The following YAP1 variants were observed in gnomAD, a reference collection of about 807,000 sequenced individuals.
YAP1 encodes transcriptional coactivator YAP1.
YAP1 carries 5 observed loss-of-function variants against 56.9 expected under a neutral mutation model. The observed-to-expected ratio is 0.09, with a 90% CI of 0.05 to 0.18. The LOEUF is 0.18. YAP1 is among the 10% of genes least tolerant of loss of function. The probability of loss-of-function intolerance (pLI) is 1.00; values close to 1 mark genes in which losing one functional copy is unlikely to be tolerated. For missense variants in YAP1, 539 were observed against 651.8 expected (o/e 0.83, Z 1.88); for synonymous variants, 265 against 248.1 (o/e 1.07, Z -0.64).
rs564561654 is a variant in YAP1 at position 102,110,990 on chromosome 11, C to A, written c.142C>A (p.Pro48Thr). The A allele has an allele frequency of 1.3e-6, 2 of 1,553,730 alleles. No homozygotes were observed. The highest frequency in any genetic ancestry group is 1.4e-5 in the African/African-American group (1 of 70,528). Reference sequence around the variant, plus strand: ...GGCGACCCAGGCGGCGCCGCAGGCACCCCCCGCCGGGCATCAGATCGTGCA... The same window carrying A: ...GGCGACCCAGGCGGCGCCGCAGGCAACCCCCGCCGGGCATCAGATCGTGCA... ...PAATQAAPQAPPAGHQIVHVR... is the reference protein window; with the variant it reads ...PAATQAAPQATPAGHQIVHVR... Residue 48 changes from proline to threonine, a missense_variant, in exon 1 of 9, where the codon CCC becomes ACC. Pro to Thr is a conservative substitution (Grantham distance 38, BLOSUM62 -1). Around this residue, in one of 4 missense-constraint regions of YAP1, gnomAD observed 106 missense variants for 86.6 expected, o/e 1.22. Transcript: ENST00000282441.
intron 4 of YAP1, among the ~76,000 whole-genome samples, chr11:102,188,797 G>A (rs1352375694): frequency 6.6e-6 from 1 of 152,124 alleles, no homozygotes; most frequent in African/African-American, 2.4e-5. Context: ...GCATATCCTG[G>A]TTATTAAGTG....
intron 2 of YAP1, among the ~76,000 whole-genome samples, chr11:102,131,465 T>C (rs1181755791): frequency 1.3e-5 from 2 of 152,244 alleles, no homozygotes; most frequent in Non-Finnish European, 2.9e-5. Flanking sequence ...CATTGGTAAC[T>C]GTCCCTCACG....
At chr11:102,198,582 C>T (rs1049331283) in intron 4 of YAP1, among the ~76,000 whole-genome samples, 1 of 152,036 alleles carries the variant, frequency 6.6e-6, no homozygotes, top group Non-Finnish European at 1.5e-5. Context: ...TTTTATAATT[C>T]CAACACTCCT....
At chr11:102,132,363 G>A (rs537823910) in intron 2 of YAP1, among the ~76,000 whole-genome samples, 5 of 152,268 alleles carry the variant, frequency 3.3e-5, no homozygotes, top group South Asian at 2.1e-4. Flanking sequence ...GAGAGTCCTC[G>A]CTTGATGCTG....
intron 2 of YAP1, among the ~76,000 whole-genome samples, chr11:102,144,118 A>G (rs907134301): frequency 6.6e-6 from 1 of 152,226 alleles, no homozygotes; most frequent in Non-Finnish European, 1.5e-5. Flanking sequence ...TCAAGAGTCC[A>G]TAAGCATAGC....
At chr11:102,208,627 T>C (rs887277580) in intron 5 of YAP1, among the ~76,000 whole-genome samples, 1 of 151,924 alleles carries the variant, frequency 6.6e-6, no homozygotes, top group Non-Finnish European at 1.5e-5. Flanking sequence ...ACATGGCTAA[T>C]AGAAAAAAAA....
chr11:102,168,167 C>G (rs1946712207), intron 3 of YAP1, among the ~76,000 whole-genome samples: 2 of 152,132 alleles, frequency 1.3e-5, no homozygotes, highest in Non-Finnish European at 1.5e-5. Context: ...TTGTGTTCAG[C>G]ATTAGAAAAG....
intron 3 of YAP1, among the ~76,000 whole-genome samples, chr11:102,174,969 C>T (rs780160051): frequency 6.6e-6 from 1 of 152,134 alleles, no homozygotes; most frequent in African/African-American, 2.4e-5. Context: ...CCACACTGCC[C>T]ATTGTAATCC....
At chr11:102,185,750 T>G (rs1046199050) in intron 3 of YAP1, among the ~76,000 whole-genome samples, 2 of 152,122 alleles carry the variant, frequency 1.3e-5, no homozygotes, top group African/African-American at 4.8e-5. Flanking sequence ...ATTTGGGCCA[T>G]GACTTCCAAA....
chr11:102,166,947 C>A (rs117419643), intron 3 of YAP1, among the ~76,000 whole-genome samples: 2,696 of 152,260 alleles, frequency 0.018, 31 homozygotes, highest in Non-Finnish European at 0.028. Flanking sequence ...GATGAAAGAT[C>A]TTTTAAGATT....
At chr11:102,166,246 T>A (rs143996703) in intron 3 of YAP1, among the ~76,000 whole-genome samples, 1 of 152,366 alleles carries the variant, frequency 6.6e-6, no homozygotes, top group East Asian at 1.9e-4. Flanking sequence ...GATCAAGTGC[T>A]GAGGGTACTG....
intron 3 of YAP1, among the ~76,000 whole-genome samples, chr11:102,180,041 C>T (rs1227131050): frequency 7.4e-6 from 1 of 134,878 alleles, no homozygotes; most frequent in Non-Finnish European, 1.5e-5. Flanking sequence ...TGGAGTCTCG[C>T]ATCCGTCGTC....
intron 2 of YAP1, among the ~76,000 whole-genome samples, chr11:102,118,620 G>A (rs749085458): frequency 6.6e-6 from 1 of 151,474 alleles, no homozygotes; most frequent in African/African-American, 2.4e-5. Context: ...GTGTGTTGGC[G>A]CACACCTATT....
intron 4 of YAP1, among the ~76,000 whole-genome samples, chr11:102,195,954 A>G (rs942371987): frequency 1.3e-5 from 2 of 152,202 alleles, no homozygotes; most frequent in Admixed American, 1.3e-4. Context: ...CCACATATTG[A>G]TCATTAGAGA....
At chr11:102,134,516 AAT>A (rs1444097193) in intron 2 of YAP1, among the ~76,000 whole-genome samples, 5 of 147,730 alleles carry the variant, frequency 3.4e-5, no homozygotes, top group African/African-American at 7.4e-5. Flanking sequence ...ATATATATTA[AAT>A]ATATATATAT....
intron 2 of YAP1, among the ~76,000 whole-genome samples, chr11:102,149,972 G>T (rs1945531816): frequency 2.4e-5 from 3 of 126,946 alleles, no homozygotes; most frequent in Non-Finnish European, 3.3e-5. Context: ...ATTTTGAGTA[G>T]TGTGCTTTTT....
intron 8 of YAP1, among the ~76,000 whole-genome samples, 193 bp downstream of exon 8, chr11:102,227,774 T>C (rs1196801988): frequency 1.3e-5 from 2 of 152,176 alleles, no homozygotes; most frequent in African/African-American, 2.4e-5. Context: ...TAAAAAAATA[T>C]ATATCATGGA....
At chr11:102,173,908 G>T (rs895018047) in intron 3 of YAP1, among the ~76,000 whole-genome samples, 3 of 152,196 alleles carry the variant, frequency 2.0e-5, no homozygotes, top group Non-Finnish European at 4.4e-5. Context: ...TCTAGAAAAG[G>T]TTGAATCATA....
chr11:102,224,139 A>G (rs1950081948), intron 7 of YAP1, among the ~76,000 whole-genome samples: 1 of 152,248 alleles, frequency 6.6e-6, no homozygotes. Context: ...AATTTTCCAC[A>G]TAGCTATTCA....
Sources: gnomAD v4.1 joint callset for allele counts (sites outside exome capture counted in the v4.1 genomes callset) on GRCh38, gnomAD v4.1.1 for gene constraint, gnomAD v4.1.1 regional missense constraint, MANE v1.5 for transcripts, NCBI Gene and HGNC (gene_info 2026-07-23, HGNC 2026-07-21) for gene names.